DSC3: variants seen among roughly 807,000 people sequenced by gnomAD.
DSC3 encodes the protein desmocollin-3.
In DSC3, 97 loss-of-function variants were observed where a neutral mutation model predicts 89.5. That is an observed-to-expected ratio of 1.08 (90% CI 0.92 to 1.28). The LOEUF (loss-of-function observed/expected upper bound fraction) is 1.28, where lower values mean the gene tolerates loss of function less well. Ranked by LOEUF, DSC3 falls within the 50% of genes most tolerant of loss-of-function variation. The pLI is 0.00. For synonymous variants in DSC3, 436 were observed against 384.1 expected, an observed-to-expected ratio of 1.14 and a Z score of -1.58; for missense variants, 1,199 against 1,085.3, an observed-to-expected ratio of 1.10 and a Z score of -1.47.
rs775187201 is a variant in DSC3, at chr18:31,036,798, C to CTTTTTTTTTTTTTTTTTTTTTTTT, written c.70-4523_70-4522insAAAAAAAAAAAAAAAAAAAAAAAA. Among the ~76,000 whole-genome samples, 76 of 107,398 alleles carry CTTTTTTTTTTTTTTTTTTTTTTTT rather than the reference C, an allele frequency of 7.1e-4. 6 individuals are homozygous for CTTTTTTTTTTTTTTTTTTTTTTTT. Among genetic ancestry groups the CTTTTTTTTTTTTTTTTTTTTTTTT allele is most frequent in the East Asian group, 9.2e-4 (2 of 2,164 alleles). The allele number at this position is 107,398 out of a possible 152,430, so 70.5% of individuals were successfully genotyped here. On this transcript the variant is annotated intron_variant, in intron 1 of 15. Transcript: ENST00000360428. ...TATTTCCTTTTTGCTTTCTTTCTTC[C>CTTTTTTTTTTTTTTTTTTTTTTTT]TTTTTTTTTTTTGAGATGGAATCTT...
Position 31,001,679 on chromosome 18 carries a change from T to C in DSC3, c.2174A>G (p.Glu725Gly). ...AATTAAGTTTTGCTGTGCTAAATCT[T>C]CAGGAAAACGTTTCCCTTTAGTTGC... ...FGATKGKRFPEDLAQQNLIIS... is the reference protein window; with the variant it reads ...FGATKGKRFPGDLAQQNLIIS... Residue 725 changes from glutamate (E) to glycine (G), a missense_variant, in exon 14 of 16, where the codon GAA (glutamate) becomes GGA (glycine). Coordinates refer to ENST00000360428, the MANE Select transcript of DSC3 (RefSeq NM_001941.5). 1 of 1,611,270 alleles carries C rather than the reference T, an allele frequency of 6.2e-7. No individual in the cohort carries two copies. Among genetic ancestry groups the C allele is most frequent in the Non-Finnish European group, 8.5e-7 (1 of 1,178,538 alleles).
rs200899631 is a variant in DSC3 at position 31,018,645 on chromosome 18, A to T, written c.1077+21T>A. On this transcript the variant is annotated intron_variant, in intron 8 of 15. Coordinates refer to ENST00000360428, the MANE Select transcript of DSC3 (RefSeq NM_001941.5). ...ATGATAGCAGATAAGACAGAGGCAG[A>T]TTTTGATATTATATACTTACAGCAT... 2.2e-5 allele frequency: 35 copies of T among 1,610,486 alleles called. No individual in the cohort carries two copies. The South Asian group carries it at 3.6e-4, about 17-fold the overall frequency.
rs1365414514 is a variant in DSC3 at position 31,025,766 on chromosome 18, A to G, written c.624T>C (p.Val208=). ...ATATCAATAAAAGTCCTACATCAAA[A>G]ACATCATATTCTTCACGATCCACAG... ...TRPVDREEYD[V]FDLIAYASTA... is the part of the protein sequence containing the mutation. Residue 208 remains valine (V), a synonymous_variant, in exon 5 of 16, where the codon GTT becomes GTC. Coordinates refer to ENST00000360428, the MANE Select transcript of DSC3 (RefSeq NM_001941.5). The G allele has an allele frequency of 2.4e-5, 38 of 1,612,780 alleles. No individual in the cohort carries two copies. Among genetic ancestry groups the G allele is most frequent in the Non-Finnish European group, 3.1e-5 (36 of 1,179,170 alleles).
At chr18:31,021,274 C>T (rs1194257366) in intron 7 of DSC3, among the ~76,000 whole-genome samples, 1 of 152,070 alleles carries the variant, frequency 6.6e-6, no homozygotes, top group Non-Finnish European at 1.5e-5. Context: ...TGTTAACTTG[C>T]AAAGTTTCAA....
chr18:31,022,034 A>C (rs768669997), intron 7 of DSC3, among the ~76,000 whole-genome samples: 2 of 152,104 alleles, frequency 1.3e-5, no homozygotes, highest in Non-Finnish European at 2.9e-5. Context: ...CCTACATGAA[A>C]ATTGAAACCT....
rs1010360010 is a variant in DSC3 at position 30,990,403 on chromosome 18, A to G, written c.*3772T>C. On this transcript the variant is annotated 3_prime_UTR_variant, in exon 16 of 16. Transcript: ENST00000360428. ...ATGTATCCGGTATTTTACTATTACA[A>G]ACAAAAATCCAATGAACATTCTTGA... 1.3e-5 allele frequency: 2 copies of G among 152,236 alleles called. No individual in the cohort carries two copies. Among genetic ancestry groups the G allele is most frequent in the Non-Finnish European group, 2.9e-5 (2 of 68,036 alleles). 9.4% of individuals were successfully genotyped at this position (152,236 alleles called of 1,614,324 possible).
chr18:31,035,033 G>T (rs1251645394), intron 1 of DSC3, among the ~76,000 whole-genome samples: 1 of 152,086 alleles, frequency 6.6e-6, no homozygotes, highest in Non-Finnish European at 1.5e-5. Flanking sequence ...TCTAGAAATT[G>T]GCAGTGAAAG....
intron 15 of DSC3, 161 bp from the exon 16 acceptor site, chr18:30,994,533 C>T: frequency 2.7e-6 from 4 of 1,506,042 alleles, no homozygotes; most frequent in Non-Finnish European, 3.7e-6. Context: ...GTCTATATCA[C>T]AACCATACCA....
At chr18:31,042,147 T>A (rs1348462951) in intron 1 of DSC3, among the ~76,000 whole-genome samples, 1 of 152,098 alleles carries the variant, frequency 6.6e-6, no homozygotes, top group Non-Finnish European at 1.5e-5. Context: ...CCGGGTCAAC[T>A]GCGACCCAGA....
intron 4 of DSC3, among the ~76,000 whole-genome samples, chr18:31,028,590 G>A (rs1411688893): frequency 6.6e-6 from 1 of 152,064 alleles, no homozygotes; most frequent in Non-Finnish European, 1.5e-5. Context: ...GTGAATGACT[G>A]TGGAAGGATA....
At position 31,024,495 on chromosome 18, in the gene DSC3, T is replaced by C. The variant is rs199621913; in HGVS notation, c.631-2A>G. ...TGCAGTTGACGCATAAGCAATCAACTGCAAAATAGCAAAAAGAAAGTTCCA... is the reference window on the plus strand; with the variant it reads ...TGCAGTTGACGCATAAGCAATCAACCGCAAAATAGCAAAAAGAAAGTTCCA... On this transcript the variant is annotated splice_acceptor_variant, in intron 5 of 15. Transcript: ENST00000360428. LOFTEE classifies it high-confidence loss of function. The C allele has an allele frequency of 1.9e-6, 3 of 1,612,078 alleles. No individual in the cohort carries two copies. Among genetic ancestry groups the C allele is most frequent in the African/African-American group, 1.3e-5 (1 of 75,004 alleles).
rs901413363 is a variant in DSC3, at chr18:30,992,723, A to G, written c.*1452T>C. The G allele has an allele frequency of 6.6e-6, 1 of 152,238 alleles. No individual in the cohort carries two copies. Among genetic ancestry groups the G allele is most frequent in the Non-Finnish European group, 1.5e-5 (1 of 68,050 alleles). The allele number at this position is 152,238 out of a possible 1,614,324, so 9.4% of individuals were successfully genotyped here. ...ACAACTTGATCTTTTTCTTTTATACATTCAAAATTTCTATTTCTTCTATTA... is the reference window on the plus strand; with the variant it reads ...ACAACTTGATCTTTTTCTTTTATACGTTCAAAATTTCTATTTCTTCTATTA... On this transcript the variant is annotated 3_prime_UTR_variant, in exon 16 of 16. Coordinates refer to ENST00000360428, the MANE Select transcript of DSC3 (RefSeq NM_001941.5).
intron 9 of DSC3, among the ~76,000 whole-genome samples, chr18:31,013,250 G>C (rs1383753488): frequency 1.8e-5 from 2 of 111,838 alleles, no homozygotes; most frequent in African/African-American, 7.4e-5. Context: ...GTCAAAACAT[G>C]AATTGGAACA....
intron 1 of DSC3, among the ~76,000 whole-genome samples, chr18:31,039,225 A>C (rs1986061684): frequency 6.6e-6 from 1 of 152,174 alleles, no homozygotes; most frequent in Non-Finnish European, 1.5e-5. Context: ...GCATGATAGA[A>C]ACCTTATCAG....
intron 6 of DSC3, among the ~76,000 whole-genome samples, chr18:31,023,096 G>C (rs1567958023): frequency 6.6e-6 from 1 of 151,942 alleles, no homozygotes; most frequent in Non-Finnish European, 1.5e-5. Context: ...GGGCATCGAA[G>C]TGTTTGTCCT....
rs187825292 is a variant in DSC3, at chr18:31,035,388, C to A, written c.70-3112G>T. Among the ~76,000 whole-genome samples the A allele has an allele frequency of 4.8e-3, 737 of 152,070 alleles. 7 individuals carry two copies. The highest frequency in any genetic ancestry group is 0.017 in the African/African-American group (694 of 41,526). ...ATTTAGATATAATAAGCCAAGAAAT[C>A]ATTTTCAGAAAATAATAACCAGATT... On this transcript the variant is annotated intron_variant, in intron 1 of 15. Coordinates refer to ENST00000360428, the MANE Select transcript of DSC3 (RefSeq NM_001941.5).
At chr18:31,034,538 A>G (rs979735425) in intron 1 of DSC3, among the ~76,000 whole-genome samples, 1 of 152,224 alleles carries the variant, frequency 6.6e-6, no homozygotes, top group Non-Finnish European at 1.5e-5. Context: ...TAAAAGACAT[A>G]AAAACCTAAG....
intron 1 of DSC3, among the ~76,000 whole-genome samples, chr18:31,039,283 G>A (rs899489647): frequency 1.1e-4 from 16 of 151,976 alleles, no homozygotes; most frequent in African/African-American, 1.2e-4. Flanking sequence ...AAGAGAGAAC[G>A]AAAATTAAAG....
At chr18:31,015,830 G>T (rs915819078) in intron 9 of DSC3, among the ~76,000 whole-genome samples, 1 of 152,116 alleles carries the variant, frequency 6.6e-6, no homozygotes, top group Admixed American at 6.6e-5. Context: ...CCAAGGCTTG[G>T]TGGGGGTGAG....
Sources: gnomAD v4.1 joint callset for allele counts (sites outside exome capture counted in the v4.1 genomes callset) on GRCh38, gnomAD v4.1.1 for gene constraint, MANE v1.5 for transcripts, NCBI Gene and HGNC (gene_info 2026-07-23, HGNC 2026-07-21) for gene names.